IGSF10: variants seen among roughly 807,000 people sequenced by gnomAD.
The protein encoded by IGSF10 is immunoglobulin superfamily member 10.
IGSF10 carries 126 observed loss-of-function variants against 128.2 expected under a neutral mutation model. That is an observed-to-expected ratio of 0.98 (90% confidence interval 0.85 to 1.14). The LOEUF (loss-of-function observed/expected upper bound fraction) is 1.14, where lower values mean the gene tolerates loss of function less well. IGSF10 is among the 50% of genes most tolerant of loss of function. IGSF10 has a pLI of 0.00. For missense variants in IGSF10, 3,295 were observed against 3,149.8 expected (o/e 1.05, Z -1.10); for synonymous variants, 1,185 against 1,146.2 (o/e 1.03, Z -0.68).
At position 151,448,520 on chromosome 3, in the gene IGSF10, G is replaced by C. The variant is rs1207306312; in HGVS notation, c.1461C>G (p.Val487=). The C allele has an allele frequency of 1.2e-6, 2 of 1,614,242 alleles. No homozygotes were observed. Among genetic ancestry groups the C allele is most frequent in the Non-Finnish European group, 1.7e-6 (2 of 1,180,040 alleles). Residue 487 remains valine (V), a synonymous_variant, in exon 6 of 8, where the codon GTC becomes GTG. Transcript: ENST00000282466. ...TCAGGCCAACGGTTCCACCTACCAA[G>C]ACAGTATGTTCCAGCTTAGTATTGT... is the stretch of plus-strand genomic sequence containing the variant. ...RDNNTKLEHT[V]LVGGTVGLNC...
the IGSF10 span, among the ~76,000 whole-genome samples, chr3:151,521,776 A>T: frequency 1.3e-5 from 2 of 152,072 alleles, no homozygotes. Flanking sequence ...TCTCAAATTA[A>T]CAATCTAATA....
the IGSF10 span, among the ~76,000 whole-genome samples, chr3:151,592,726 A>G: frequency 6.6e-6 from 1 of 152,170 alleles, no homozygotes; most frequent in Non-Finnish European, 1.5e-5. Flanking sequence ...TAATATTATG[A>G]GAGACCTATA....
chr3:151,498,372 T>C, the IGSF10 span, among the ~76,000 whole-genome samples: 1 of 151,320 alleles, frequency 6.6e-6, no homozygotes, highest in African/African-American at 2.4e-5. Context: ...GAGAGTTTTT[T>C]AGACCAATAT....
At chr3:151,580,935 GT>G in the IGSF10 span, among the ~76,000 whole-genome samples, 2 of 151,070 alleles carry the variant, frequency 1.3e-5, no homozygotes, top group Non-Finnish European at 3.0e-5. Context: ...TTCCAGATCT[GT>G]TTTTTATAAA....
the IGSF10 span, among the ~76,000 whole-genome samples, chr3:151,593,497 T>G: frequency 6.6e-6 from 1 of 152,120 alleles, no homozygotes. Flanking sequence ...CTTTTTTTTT[T>G]TCTTTTGATT....
chr3:151,619,179 T>C, the IGSF10 span, among the ~76,000 whole-genome samples: 1 of 152,154 alleles, frequency 6.6e-6, no homozygotes. Flanking sequence ...ATCTCACATG[T>C]AGTCATCATT....
chr3:151,552,849 A>T, the IGSF10 span, among the ~76,000 whole-genome samples: 1 of 152,210 alleles, frequency 6.6e-6, no homozygotes, highest in Non-Finnish European at 1.5e-5. Context: ...AAATGAAATT[A>T]GTCATGATAG....
At chr3:151,488,910 A>G in the IGSF10 span, among the ~76,000 whole-genome samples, 1 of 152,226 alleles carries the variant, frequency 6.6e-6, no homozygotes, top group African/African-American at 2.4e-5. Context: ...GGACATAGGC[A>G]TGGACAAAGA....
chr3:151,438,567 A>G lies in IGSF10; in HGVS notation c.5994T>C (p.Asn1998=), dbSNP rs570208083. 1 of 1,613,738 alleles carries G rather than the reference A, an allele frequency of 6.2e-7. No homozygotes were observed. The highest frequency in any genetic ancestry group is 2.2e-5 in the East Asian group (1 of 44,876). The change falls in exon 8 of 8, where the codon AAT becomes AAC. Residue 1998 remains asparagine (N), a synonymous_variant. Transcript: ENST00000282466. ...RVGSWIHVYP[N]GSLFIGSVTE... ...TTACTGATCCAATAAACAGGGATCCATTAGGGTAGACGTGGATCCAGCTGC... is the reference window on the plus strand; with the variant it reads ...TTACTGATCCAATAAACAGGGATCCGTTAGGGTAGACGTGGATCCAGCTGC...
At chr3:151,610,677 G>C in the IGSF10 span, among the ~76,000 whole-genome samples, 3 of 152,256 alleles carry the variant, frequency 2.0e-5, no homozygotes, top group East Asian at 5.8e-4. Flanking sequence ...TACAGACTGG[G>C]TAATTTATAA....
the IGSF10 span, among the ~76,000 whole-genome samples, chr3:151,510,345 G>T: frequency 9.8e-5 from 15 of 152,292 alleles, no homozygotes; most frequent in African/African-American, 3.6e-4. Context: ...AGCCACTGCT[G>T]CTGATACCCA....
At chr3:151,529,594 C>T in the IGSF10 span, among the ~76,000 whole-genome samples, 3 of 152,202 alleles carry the variant, frequency 2.0e-5, no homozygotes, top group Non-Finnish European at 4.4e-5. Context: ...TAGCAAACTA[C>T]AGCAGACCTA....
At chr3:151,491,054 A>C in the IGSF10 span, among the ~76,000 whole-genome samples, 1 of 152,182 alleles carries the variant, frequency 6.6e-6, no homozygotes, top group Non-Finnish European at 1.5e-5. Context: ...GGAAAGAATC[A>C]ATAAAACCAA....
the IGSF10 span, among the ~76,000 whole-genome samples, chr3:151,475,503 C>T: frequency 6.6e-6 from 1 of 152,146 alleles, no homozygotes; most frequent in Non-Finnish European, 1.5e-5. Context: ...GGAGTATATG[C>T]CTGTAACATT....
At chr3:151,603,101 G>T in the IGSF10 span, among the ~76,000 whole-genome samples, 8 of 152,154 alleles carry the variant, frequency 5.3e-5, no homozygotes, top group African/African-American at 1.9e-4. Flanking sequence ...GTAAGAAAAA[G>T]CTTGAATTTG....
chr3:151,477,009 A>G, the IGSF10 span, among the ~76,000 whole-genome samples: 3 of 152,364 alleles, frequency 2.0e-5, no homozygotes, highest in Non-Finnish European at 2.9e-5. Flanking sequence ...TGGTTAGGCC[A>G]TCAACTATGG....
upstream of IGSF10, among the ~76,000 whole-genome samples, chr3:151,465,794 A>G (rs968422781): frequency 6.6e-6 from 1 of 152,150 alleles, no homozygotes; most frequent in Non-Finnish European, 1.5e-5. Context: ...GTACTTCTAT[A>G]TTTGAGTCCT....
At chr3:151,613,709 A>T in the IGSF10 span, among the ~76,000 whole-genome samples, 1 of 152,256 alleles carries the variant, frequency 6.6e-6, no homozygotes, top group African/African-American at 2.4e-5. Context: ...TTAGACCTAC[A>T]ACCATAAAAA....
chr3:151,535,896 TTC>T, the IGSF10 span, among the ~76,000 whole-genome samples: 2 of 152,218 alleles, frequency 1.3e-5, no homozygotes, highest in Admixed American at 1.3e-4. Context: ...GCTTCGCAGT[TTC>T]TTTCAACTTC....
Sources: allele counts gnomAD v4.1 joint callset (sites outside exome capture counted in the v4.1 genomes callset), GRCh38; gene constraint gnomAD v4.1.1; transcripts MANE v1.5; gene names NCBI Gene and HGNC (gene_info 2026-07-23, HGNC 2026-07-21).